HS3ST4: variants seen among roughly 807,000 people sequenced by gnomAD.
The protein encoded by HS3ST4 is heparan sulfate glucosamine 3-O-sulfotransferase 4.
Under a neutral mutation model 29.2 loss-of-function variants are expected in HS3ST4, and 17 were observed. The ratio of observed to expected loss-of-function variants is 0.58; its 90% confidence interval spans 0.40 to 0.87. The LOEUF is 0.87. HS3ST4 is among the 40% of genes least tolerant of loss of function. The probability of loss-of-function intolerance (pLI) is 0.00; values close to 1 mark genes in which losing one functional copy is unlikely to be tolerated. For synonymous variants in HS3ST4, 314 were observed against 285.7 expected, an observed-to-expected ratio of 1.10 and a Z score of -1.00; for missense variants, 627 against 634.5, an observed-to-expected ratio of 0.99 and a Z score of 0.13.
At chr16:25,730,368 C>T (rs1966562684) in intron 1 of HS3ST4, among the ~76,000 whole-genome samples, 1 of 148,138 alleles carries the variant, frequency 6.8e-6, no homozygotes, top group African/African-American at 2.5e-5. Flanking sequence ...TCCCTCCCTT[C>T]CTTCTTTCCT....
intron 1 of HS3ST4, among the ~76,000 whole-genome samples, chr16:25,946,908 A>G (rs975915646): frequency 1.3e-5 from 2 of 152,166 alleles, no homozygotes; most frequent in African/African-American, 4.8e-5. Context: ...ACTGAAGGGC[A>G]GTGTGATTGG....
At chr16:25,895,152 TG>T (rs200744278) in intron 1 of HS3ST4, among the ~76,000 whole-genome samples, 5,450 of 151,914 alleles carry the variant, frequency 0.036, 132 homozygotes, top group African/African-American at 0.057. Context: ...TGTGTGTGTG[TG>T]TGTGTGTGCT....
At chr16:26,094,256 G>A (rs2141791835) in intron 1 of HS3ST4, among the ~76,000 whole-genome samples, 1 of 152,218 alleles carries the variant, frequency 6.6e-6, no homozygotes, top group South Asian at 2.1e-4. Context: ...TTCAGGAAAT[G>A]CAGAGAACAC....
At chr16:26,014,263 C>T (rs4346208) in intron 1 of HS3ST4, among the ~76,000 whole-genome samples, 104,469 of 152,034 alleles carry the variant, frequency 0.69, 37,393 homozygotes, top group African/African-American at 0.89. Context: ...GTGCCTGACA[C>T]ATTGTGGACA....
intron 1 of HS3ST4, among the ~76,000 whole-genome samples, chr16:25,947,864 C>A (rs958790079): frequency 5.9e-5 from 9 of 151,988 alleles, no homozygotes; most frequent in African/African-American, 1.7e-4. Flanking sequence ...TCCAGCTGTG[C>A]AAGTGTGGGC....
intron 1 of HS3ST4, among the ~76,000 whole-genome samples, chr16:25,875,076 T>C (rs540862097): frequency 1.3e-5 from 2 of 152,302 alleles, no homozygotes; most frequent in East Asian, 3.9e-4. Context: ...TGGGATACAA[T>C]GTTGATCCCT....
At chr16:25,784,102 C>T (rs929612261) in intron 1 of HS3ST4, among the ~76,000 whole-genome samples, 2 of 151,992 alleles carry the variant, frequency 1.3e-5, no homozygotes, top group Admixed American at 1.3e-4. Flanking sequence ...TTGATGTTAC[C>T]ATTGTAATTA....
chr16:25,821,655 G>A (rs1465080564), intron 1 of HS3ST4, among the ~76,000 whole-genome samples: 3 of 151,978 alleles, frequency 2.0e-5, no homozygotes, highest in Non-Finnish European at 2.9e-5. Flanking sequence ...TGCTGGGCAC[G>A]GTGGCTCACA....
intron 1 of HS3ST4, among the ~76,000 whole-genome samples, chr16:26,119,134 C>A (rs949382790): frequency 6.6e-6 from 1 of 152,172 alleles, no homozygotes; most frequent in Admixed American, 6.5e-5. Flanking sequence ...CTGCAAATAG[C>A]AGAGTTAGTA....
intron 1 of HS3ST4, among the ~76,000 whole-genome samples, chr16:25,713,997 C>T (rs1319940958): frequency 6.6e-6 from 1 of 151,976 alleles, no homozygotes; most frequent in African/African-American, 2.4e-5. Context: ...TTTCTTTAGA[C>T]ATGTTCCTGT....
intron 1 of HS3ST4, among the ~76,000 whole-genome samples, chr16:25,886,170 C>T (rs1278701527): frequency 6.6e-6 from 1 of 151,256 alleles, no homozygotes; most frequent in Non-Finnish European, 1.5e-5. Context: ...GTAGCTAGGA[C>T]TACAGGTGCG....
chr16:25,757,828 C>A lies in HS3ST4; in HGVS notation c.734+64677C>A, dbSNP rs1484401127. Among the ~76,000 whole-genome samples the A allele has an allele frequency of 2.0e-5, 3 of 151,964 alleles. No homozygotes were observed. In the East Asian group the frequency reaches 5.8e-4, roughly 29 times the overall value. ...AAACTTCTAGAGGTCAAGGACTGAG[C>A]CTGTCTTGTAAACTGTAGAGTTCCC... On this transcript the variant is annotated intron_variant, in intron 1 of 1. Coordinates refer to ENST00000331351, the MANE Select transcript of HS3ST4 (RefSeq NM_006040.3).
chr16:25,959,395 G>T (rs1309714187), intron 1 of HS3ST4, among the ~76,000 whole-genome samples: 1 of 152,184 alleles, frequency 6.6e-6, no homozygotes, highest in Non-Finnish European at 1.5e-5. Flanking sequence ...AGGAAGTGGG[G>T]CAGAGTGCAG....
intron 1 of HS3ST4, among the ~76,000 whole-genome samples, chr16:25,955,555 A>G (rs1203027798): frequency 7.2e-5 from 11 of 152,174 alleles, no homozygotes; most frequent in Non-Finnish European, 1.6e-4. Flanking sequence ...TGAGTATGCA[A>G]ATTATAGGGA....
At chr16:25,768,587 C>T (rs1433904612) in intron 1 of HS3ST4, among the ~76,000 whole-genome samples, 1 of 152,102 alleles carries the variant, frequency 6.6e-6, no homozygotes, top group Non-Finnish European at 1.5e-5. Context: ...CAGGGCCTGC[C>T]GGTCTTGTGA....
intron 1 of HS3ST4, among the ~76,000 whole-genome samples, chr16:25,865,943 A>G (rs1004419844): frequency 1.3e-5 from 2 of 152,214 alleles, no homozygotes; most frequent in Admixed American, 6.5e-5. Flanking sequence ...CCCCAAAAGC[A>G]TAAGCAACAA....
chr16:26,056,976 G>T (rs1898416419), intron 1 of HS3ST4, among the ~76,000 whole-genome samples: 1 of 152,030 alleles, frequency 6.6e-6, no homozygotes, highest in African/African-American at 2.4e-5. Context: ...TTGTAGAATT[G>T]GTCCAGGTTG....
chr16:25,996,896 G>A (rs1368686438), intron 1 of HS3ST4, among the ~76,000 whole-genome samples: 2 of 152,016 alleles, frequency 1.3e-5, no homozygotes, highest in Non-Finnish European at 2.9e-5. Context: ...TCCATTTATT[G>A]ATATCTTGGT....
At chr16:25,694,718 T>G (rs1373147504) in intron 1 of HS3ST4, among the ~76,000 whole-genome samples, 1 of 151,996 alleles carries the variant, frequency 6.6e-6, no homozygotes, top group East Asian at 1.9e-4. Flanking sequence ...GTTGTAGGAA[T>G]GTTCTGGTTT....
Sources: gnomAD v4.1 joint callset for allele counts (sites outside exome capture counted in the v4.1 genomes callset) on GRCh38, gnomAD v4.1.1 for gene constraint, MANE v1.5 for transcripts, NCBI Gene and HGNC (gene_info 2026-07-23, HGNC 2026-07-21) for gene names.